Variants in DLG2 observed in about 807,000 individuals in gnomAD.
DLG2 encodes the protein discs large MAGUK scaffold protein 2, also known as disks large homolog 2.
Under a neutral mutation model 132.5 loss-of-function variants are expected in DLG2, and 45 were observed. That is an observed-to-expected ratio of 0.34 (90% CI 0.27 to 0.44). The LOEUF is 0.44. Among genes scored for constraint, DLG2 ranks in the 20% least tolerant of loss-of-function variants. DLG2 has a pLI of 1.00. For missense variants in DLG2, 1,045 were observed against 1,196.9 expected (o/e 0.87, Z 1.87); for synonymous variants, 424 against 419.6 (o/e 1.01, Z -0.13).
At chr11:85,237,259 G>T (rs2152665316) in intron 4 of DLG2, among the ~76,000 whole-genome samples, 1 of 151,948 alleles carries the variant, frequency 6.6e-6, no homozygotes, top group Non-Finnish European at 1.5e-5. Context: ...TTTGCTAAAT[G>T]GCAAAAAGGA....
intron 3 of DLG2, among the ~76,000 whole-genome samples, chr11:85,377,018 T>A (rs1011672722): frequency 2.6e-5 from 4 of 152,140 alleles, no homozygotes; most frequent in African/African-American, 9.7e-5. Flanking sequence ...ATGAAATAGG[T>A]ATTATTATTA....
chr11:84,857,030 G>A (rs1487434452), intron 6 of DLG2, among the ~76,000 whole-genome samples: 2 of 151,386 alleles, frequency 1.3e-5, no homozygotes, highest in African/African-American at 2.4e-5. Flanking sequence ...GAAGGTCAAA[G>A]TAAGAAGAAG....
chr11:85,195,997 T>C (rs1271652057), intron 4 of DLG2, among the ~76,000 whole-genome samples: 1 of 152,240 alleles, frequency 6.6e-6, no homozygotes, highest in Non-Finnish European at 1.5e-5. Flanking sequence ...TAACTTTTTG[T>C]GGTAGAACTT....
chr11:84,065,083 G>T (rs11233899), intron 10 of DLG2, among the ~76,000 whole-genome samples: 7,803 of 152,188 alleles, frequency 0.051, 280 homozygotes, highest in Non-Finnish European at 0.084. Context: ...ATGAATTAAA[G>T]ACTTAAATAT....
At chr11:85,189,148 C>T (rs1474141732) in intron 4 of DLG2, among the ~76,000 whole-genome samples, 1 of 152,066 alleles carries the variant, frequency 6.6e-6, no homozygotes, top group Non-Finnish European at 1.5e-5. Context: ...GCTGACTTCC[C>T]ATAAGAAAGA....
chr11:83,591,870 C>A (rs1047298437), intron 19 of DLG2, among the ~76,000 whole-genome samples: 1 of 147,544 alleles, frequency 6.8e-6, no homozygotes, highest in Non-Finnish European at 1.5e-5. Context: ...AGAGCCAAAT[C>A]ATGAGTGAAC....
chr11:83,982,184 T>C (rs2092844101), intron 11 of DLG2, among the ~76,000 whole-genome samples: 1 of 152,182 alleles, frequency 6.6e-6, no homozygotes, highest in African/African-American at 2.4e-5. Flanking sequence ...TTTATGTATT[T>C]ACTACACTAT....
chr11:83,685,628 G>T (rs1453340560), intron 18 of DLG2, among the ~76,000 whole-genome samples: 1 of 151,502 alleles, frequency 6.6e-6, no homozygotes. Context: ...TTTTATACTC[G>T]CTCCCAAGGC....
intron 3 of DLG2, among the ~76,000 whole-genome samples, chr11:85,532,472 A>G (rs2075273630): frequency 6.6e-6 from 1 of 152,214 alleles, no homozygotes; most frequent in African/African-American, 2.4e-5. Context: ...ATTCAGAAAT[A>G]TGATGTATTC....
At chr11:83,961,493 A>C (rs1395276067) in intron 14 of DLG2, among the ~76,000 whole-genome samples, 1 of 152,046 alleles carries the variant, frequency 6.6e-6, no homozygotes. Context: ...GACCATAAGC[A>C]AGTTCCATAA....
At chr11:85,356,031 G>A (rs1042227686) in intron 3 of DLG2, among the ~76,000 whole-genome samples, 1 of 152,192 alleles carries the variant, frequency 6.6e-6, no homozygotes, top group Non-Finnish European at 1.5e-5. Flanking sequence ...CCAGAGCTTA[G>A]AGATGAAAGA....
intron 7 of DLG2, among the ~76,000 whole-genome samples, chr11:84,349,740 CA>C (rs1324191665): frequency 6.6e-6 from 1 of 152,110 alleles, no homozygotes; most frequent in Non-Finnish European, 1.5e-5. Context: ...TACTTATCAA[CA>C]AATATACACC....
chr11:85,164,416 A>C (rs529847748), intron 4 of DLG2, among the ~76,000 whole-genome samples: 156 of 152,280 alleles, frequency 1.0e-3, no homozygotes, highest in African/African-American at 3.6e-3. Context: ...TGTCCCATAT[A>C]TACATACATA....
intron 7 of DLG2, among the ~76,000 whole-genome samples, chr11:84,431,762 A>G (rs2098985390): frequency 6.6e-6 from 1 of 152,188 alleles, no homozygotes; most frequent in Admixed American, 6.5e-5. Flanking sequence ...TTTTATCCTC[A>G]AAGTAAATCA....
chr11:83,597,961 A>G (rs1053857276), intron 19 of DLG2, among the ~76,000 whole-genome samples: 7 of 152,240 alleles, frequency 4.6e-5, no homozygotes, highest in Non-Finnish European at 2.9e-5. Flanking sequence ...TTGCATCTGA[A>G]GAGACTGAGG....
intron 3 of DLG2, among the ~76,000 whole-genome samples, chr11:85,383,163 T>G (rs1407860718): frequency 6.6e-6 from 1 of 152,128 alleles, no homozygotes. Flanking sequence ...CAGAATTAAG[T>G]ACTAATGTCT....
At chr11:84,472,010 G>A (rs1162039760) in intron 7 of DLG2, among the ~76,000 whole-genome samples, 4 of 151,870 alleles carry the variant, frequency 2.6e-5, no homozygotes, top group Non-Finnish European at 5.9e-5. Context: ...CAACTGTCAT[G>A]AAAATGACAT....
chr11:84,623,587 C>G (rs370056235), intron 6 of DLG2, among the ~76,000 whole-genome samples: 11 of 152,106 alleles, frequency 7.2e-5, no homozygotes, highest in African/African-American at 2.2e-4. Context: ...TCTTCTTACT[C>G]CAGATCTCAT....
chr11:83,719,209 T>C (rs1374282960), intron 18 of DLG2, among the ~76,000 whole-genome samples: 4 of 152,176 alleles, frequency 2.6e-5, no homozygotes, highest in Non-Finnish European at 5.9e-5. Flanking sequence ...CACATTGTAA[T>C]GGATGCAGTG....
Sources: gnomAD v4.1 joint callset for allele counts (sites outside exome capture counted in the v4.1 genomes callset) on GRCh38, gnomAD v4.1.1 for gene constraint, MANE v1.5 for transcripts, NCBI Gene and HGNC (gene_info 2026-07-23, HGNC 2026-07-21) for gene names.